C2: variants seen among roughly 807,000 people sequenced by gnomAD.
C2 encodes C3/C5 convertase.
C2 carries 64 observed loss-of-function variants against 85.2 expected under a neutral mutation model. The observed-to-expected ratio is 0.75, with a 90% CI of 0.61 to 0.92. The LOEUF is 0.92. Among genes scored for constraint, C2 ranks in the 40% least tolerant of loss-of-function variants. C2 has a pLI of 0.00. For synonymous variants in C2, 311 were observed against 370.8 expected (o/e 0.84, Z 1.85); for missense variants, 820 against 971.6 (o/e 0.84, Z 2.07).
intron 9 of C2, 115 bp downstream of exon 9, chr6:31,939,435 C>T (rs1238889457): frequency 2.1e-5 from 18 of 847,760 alleles, no homozygotes; most frequent in Non-Finnish European, 2.8e-5. Context: ...TTTATTTCTG[C>T]GTTGTTCTGT....
At chr6:31,922,804 T>C (rs1238454163), upstream of C2, among the ~76,000 whole-genome samples, 1 of 152,144 alleles carries the variant, frequency 6.6e-6, no homozygotes. The surrounding 1 kb of genome is among the most constrained non-coding windows in gnomAD (Gnocchi z 4.8). Flanking sequence ...ATCGTACTGC[T>C]TCACTCCAGC....
Position 31,937,331 on chromosome 6 carries a change from G to T in C2, c.1001G>T (p.Gly334Val), listed in dbSNP as rs1415564665. The change falls in exon 8 of 18, where the codon GGA becomes GTA. Residue 334 changes from glycine (G) to valine (V), a missense_variant. Transcript: ENST00000299367. ...TGGCATATTCCAGATCATGAAAATG[G>T]AACTGGGACTAACACCTATGCGGCC... is the stretch of plus-strand genomic sequence containing the variant. ...ENANYKDHENGTGTNTYAALN... is the reference protein window; with the variant it reads ...ENANYKDHENVTGTNTYAALN... 6.2e-7 allele frequency: 1 copy of T among 1,612,772 alleles called. No individual in the cohort carries two copies. The highest frequency in any genetic ancestry group is 1.3e-5 in the African/African-American group (1 of 74,866).
At chr6:31,942,503 G>C (rs1232361618) in intron 9 of C2, among the ~76,000 whole-genome samples, 1 of 151,864 alleles carries the variant, frequency 6.6e-6, no homozygotes, top group Non-Finnish European at 1.5e-5. Context: ...ATGTTGCCCA[G>C]GCTGGTCTCA....
Position 31,927,758 on chromosome 6 carries a change from CCCACTGATGGTT to C in C2, c.8_19del (p.Pro3_Val6del), listed in dbSNP as rs778688244. The C allele has an allele frequency of 6.2e-7, 1 of 1,613,274 alleles. No individual in the cohort carries two copies. The highest frequency in any genetic ancestry group is 2.2e-5 in the East Asian group (1 of 44,880). Reference sequence around the variant, plus strand: ...CCGCCCCTAGGGAGGACACCATGGGCCCACTGATGGTTCTTTTTTGCCTGCTGTTCCTGTACC... The same window carrying C: ...CCGCCCCTAGGGAGGACACCATGGGCCTTTTTTGCCTGCTGTTCCTGTACC... On this transcript the variant is annotated inframe_deletion, in exon 1 of 18. Coordinates refer to ENST00000299367, the MANE Select transcript of C2 (RefSeq NM_000063.6). This position sits in a 1 kb window ranked among gnomAD's most constrained non-coding sequence, Gnocchi z 4.7.
At chr6:31,923,608 C>T (rs375096481), upstream of C2, among the ~76,000 whole-genome samples, 28 of 151,692 alleles carry the variant, frequency 1.8e-4, 1 homozygote, top group East Asian at 3.3e-3. Context: ...CTCAGCCTCC[C>T]GAGTAGCTGG....
Position 31,945,663 on chromosome 6 carries a change from G to A in C2, c.*306G>A, listed in dbSNP as rs1333167149. On this transcript the variant is annotated 3_prime_UTR_variant, in exon 18 of 18. Transcript: ENST00000299367. This position sits in a 1 kb window ranked among gnomAD's most constrained non-coding sequence, Gnocchi z 5.3. ...AGTTATGAAATTAATAAAAATCAAT[G>A]GTTTCCACATCTCTCAGTGCCTCTA... is the stretch of plus-strand genomic sequence containing the variant. 1 of 541,490 alleles carries A rather than the reference G, an allele frequency of 1.8e-6. No homozygotes were observed. The highest frequency in any genetic ancestry group is 3.3e-6 in the Non-Finnish European group (1 of 301,472). The allele number at this position is 541,490 out of a possible 1,614,324, so 33.5% of individuals were successfully genotyped here. A position where few individuals can be genotyped will look rare whatever the true frequency, so the allele number is the denominator to read the frequency against.
intron 9 of C2, 104 bp from the exon 10 acceptor site, chr6:31,942,855 A>T: frequency 1.4e-6 from 2 of 1,447,864 alleles, no homozygotes; most frequent in Non-Finnish European, 1.9e-6. Context: ...GGTCCAGCTC[A>T]TGTAGGTCTT....
rs1771154377 is a variant in C2, at chr6:31,944,160, T to A, written c.1836T>A (p.Ser612Arg). Residue 612 changes from serine (S) to arginine (R), a missense_variant, in exon 15 of 18, where the codon AGT (serine) becomes AGA (arginine). Physicochemically the swap from Ser to Arg is moderately radical, Grantham distance 110. Coordinates refer to ENST00000299367, the MANE Select transcript of C2 (RefSeq NM_000063.6). This position sits in a 1 kb window ranked among gnomAD's most constrained non-coding sequence, Gnocchi z 5.1. ...DHENELLNKQSVPAHFVALNG... is the reference protein window; with the variant it reads ...DHENELLNKQRVPAHFVALNG... Reference sequence around the variant, plus strand: ...AGAATGAACTGCTGAACAAACAGAGTGTTCCTGCTCATTTTGTCGCCTTGA... The same window carrying A: ...AGAATGAACTGCTGAACAAACAGAGAGTTCCTGCTCATTTTGTCGCCTTGA... 1.2e-5 allele frequency: 20 copies of A among 1,612,560 alleles called. No individual in the cohort carries two copies. The highest frequency in any genetic ancestry group is 1.7e-5 in the Admixed American group (1 of 60,004).
Position 31,904,563 on chromosome 6 carries a change from C to A in C2, c.73+3424C>A, listed in dbSNP as rs781774293. Among the ~76,000 whole-genome samples the A allele has an allele frequency of 6.6e-6, 1 of 152,012 alleles. No individual in the cohort carries two copies. The highest frequency in any genetic ancestry group is 1.5e-5 in the Non-Finnish European group (1 of 68,022). On this transcript the variant is annotated intron_variant, in intron 1 of 3. Coordinates refer to the C2 transcript ENST00000452202. The surrounding 1 kb of genome is among the most constrained non-coding windows in gnomAD (Gnocchi z 4.4). ...TCCTGACCTCGGGTGATCCACCTTGCTCAGCCTCCCAAAGTGTTGGGATTA... is the reference window on the plus strand; with the variant it reads ...TCCTGACCTCGGGTGATCCACCTTGATCAGCCTCCCAAAGTGTTGGGATTA...
chr6:31,933,673 A>G lies in C2; in HGVS notation c.506A>G (p.His169Arg). Residue 169 changes from histidine (H) to arginine (R), a missense_variant, in exon 4 of 18, where the codon CAT becomes CGT. Coordinates refer to ENST00000299367, the MANE Select transcript of C2 (RefSeq NM_000063.6). ...GTGCGGACAGGCTTCCGCTTTGGTC[A>G]TGGGGACAAGGTCCGCTATCGCTGC... ...GAVRTGFRFGHGDKVRYRCSS... is the reference protein window; with the variant it reads ...GAVRTGFRFGRGDKVRYRCSS... The G allele has an allele frequency of 1.9e-6, 3 of 1,613,146 alleles. 1 individual carries two copies. The highest frequency in any genetic ancestry group is 2.5e-6 in the Non-Finnish European group (3 of 1,180,048).
rs144201432 is a variant in C2, at chr6:31,936,002, A to G, written c.929A>G (p.Asn310Ser). ...CCCAAAGTCCTCATGTCTGTCCTGA[A>G]CGACAACTCCCGGGATATGACTGAG... ...SEPKVLMSVL[N>S]DNSRDMTEVI... Residue 310 changes from asparagine to serine, a missense_variant, in exon 7 of 18, where the codon AAC (asparagine) becomes AGC (serine). Coordinates refer to ENST00000299367, the MANE Select transcript of C2 (RefSeq NM_000063.6). 4.7e-4 allele frequency: 754 copies of G among 1,613,058 alleles called. 3 individuals carry two copies. The highest frequency in any genetic ancestry group is 8.7e-4 in the Admixed American group (52 of 60,028).
upstream of C2, among the ~76,000 whole-genome samples, chr6:31,898,379 T>C (rs568092224): frequency 2.0e-3 from 305 of 152,306 alleles, 4 homozygotes; most frequent in African/African-American, 6.9e-3. Flanking sequence ...CCGTGGGTCA[T>C]AGCCCAGCGG....
In C2 at chr6:31,942,992, T is replaced by C. The variant is rs1410108140; in HGVS notation, c.1253T>C (p.Val418Ala). The C allele has an allele frequency of 6.2e-7, 1 of 1,612,950 alleles. No homozygotes were observed. The highest frequency in any genetic ancestry group is 8.5e-7 in the Non-Finnish European group (1 of 1,180,046). The change falls in exon 10 of 18, where the codon GTG (valine) becomes GCG (alanine). Residue 418 changes from valine to alanine, a missense_variant. Coordinates refer to ENST00000299367, the MANE Select transcript of C2 (RefSeq NM_000063.6). ...GCCATCGGGGTGGGCAAGCTGGATGTGGACTGGAGAGAACTGAATGAGCTA... is the reference window on the plus strand; with the variant it reads ...GCCATCGGGGTGGGCAAGCTGGATGCGGACTGGAGAGAACTGAATGAGCTA... Reference protein sequence around the residue: ...IYAIGVGKLDVDWRELNELGS... With the variant: ...IYAIGVGKLDADWRELNELGS...
chr6:31,938,028 A>G (rs1461189323), intron 8 of C2, among the ~76,000 whole-genome samples: 1 of 151,952 alleles, frequency 6.6e-6, no homozygotes, highest in African/African-American at 2.4e-5. Context: ...ATAAATAAAT[A>G]AATAGAATTA....
At chr6:31,900,059 C>T (rs749307616), upstream of C2, 1 of 1,613,096 alleles carries the variant, frequency 6.2e-7, no homozygotes, top group African/African-American at 1.3e-5. This position sits in a 1 kb window ranked among gnomAD's most constrained non-coding sequence, Gnocchi z 9.7. Flanking sequence ...GTAGGAGCAG[C>T]GGTAGGGCCG....
At chr6:31,933,495 T>G (rs1770095122) in intron 3 of C2, 115 bp from the exon 4 acceptor site, 1 of 1,038,916 alleles carries the variant, frequency 9.6e-7, no homozygotes, top group Non-Finnish European at 1.4e-6. Flanking sequence ...GGGACAGACA[T>G]GGGTGCATCC....
At chr6:31,915,836 C>A (rs1768464926), upstream of C2, among the ~76,000 whole-genome samples, 1 of 152,252 alleles carries the variant, frequency 6.6e-6, no homozygotes, top group Non-Finnish European at 1.5e-5. Context: ...GGAATTCCAT[C>A]CTATCATGTG....
chr6:31,917,028 C>T (rs1197828505), upstream of C2, among the ~76,000 whole-genome samples: 6 of 150,942 alleles, frequency 4.0e-5, no homozygotes, highest in South Asian at 2.1e-4. Context: ...AAAAATTAGC[C>T]GGCGTGCTGG....
intron 1 of C2, among the ~76,000 whole-genome samples, chr6:31,903,236 G>A (rs1372201575): frequency 6.6e-6 from 1 of 152,188 alleles, no homozygotes; most frequent in Non-Finnish European, 1.5e-5. Context: ...TTTCAATTCT[G>A]ATGAAGTTTC....
Sources: allele counts gnomAD v4.1 joint callset (sites outside exome capture counted in the v4.1 genomes callset), GRCh38; gene constraint gnomAD v4.1.1; non-coding constraint Gnocchi (gnomAD v3.1); transcripts MANE v1.5; gene names NCBI Gene and HGNC (gene_info 2026-07-23, HGNC 2026-07-21).